Variants in DENND5B observed in about 807,000 individuals in gnomAD.
The protein encoded by DENND5B is DENN domain-containing protein 5B.
Under a neutral mutation model 140.6 loss-of-function variants are expected in DENND5B, and 34 were observed. That is an observed-to-expected ratio of 0.24 (90% CI 0.18 to 0.32). DENND5B has a LOEUF of 0.32. DENND5B is among the 10% of genes least tolerant of loss of function. The probability of loss-of-function intolerance (pLI) is 1.00; values close to 1 mark genes in which losing one functional copy is unlikely to be tolerated. For missense variants in DENND5B, 1,142 were observed against 1,560.2 expected (o/e 0.73, Z 4.52); for synonymous variants, 551 against 562.1 (o/e 0.98, Z 0.28).
chr12:31,497,489 G>T (rs1261991040), intron 1 of DENND5B, among the ~76,000 whole-genome samples: 1 of 152,010 alleles, frequency 6.6e-6, no homozygotes, highest in Non-Finnish European at 1.5e-5. Flanking sequence ...GCAGAGGAAT[G>T]TGAAACTGTC....
intron 5 of DENND5B, among the ~76,000 whole-genome samples, chr12:31,448,072 T>A (rs1281597904): frequency 6.6e-6 from 1 of 152,038 alleles, no homozygotes; most frequent in Non-Finnish European, 1.5e-5. Flanking sequence ...TATACAATTG[T>A]CAATCATCCA....
Position 31,447,625 on chromosome 12 carries a change from G to C in DENND5B, c.1774C>G (p.Arg592Gly). The change falls in exon 6 of 21, where the codon CGG becomes GGG. Residue 592 changes from arginine to glycine, a missense_variant. Around this residue, in one of 5 missense-constraint regions of DENND5B, gnomAD observed 708 missense variants for 905.5 expected, o/e 0.78. Coordinates refer to ENST00000389082, the MANE Select transcript of DENND5B (RefSeq NM_144973.4). Reference protein sequence around the residue: ...KDPLLRVFDTRIDKIRLYNVR... With the variant: ...KDPLLRVFDTGIDKIRLYNVR... Reference sequence around the variant, plus strand: ...TTATACAGCCTTATCTTATCAATCCGAGTGTCAAAGACCCGAAGCAAAGGA... The same window carrying C: ...TTATACAGCCTTATCTTATCAATCCCAGTGTCAAAGACCCGAAGCAAAGGA... 1 of 1,613,780 alleles carries C rather than the reference G, an allele frequency of 6.2e-7. No individual in the cohort carries two copies. Among genetic ancestry groups the C allele is most frequent in the Non-Finnish European group, 8.5e-7 (1 of 1,179,850 alleles).
intron 2 of DENND5B, among the ~76,000 whole-genome samples, chr12:31,492,699 T>G (rs1281935239): frequency 6.6e-6 from 1 of 152,232 alleles, no homozygotes. Context: ...CCTAAATGCC[T>G]TTCTATTAAT....
chr12:31,565,705 A>AG (rs1949603365), intron 1 of DENND5B, among the ~76,000 whole-genome samples: 1 of 152,204 alleles, frequency 6.6e-6, no homozygotes, highest in African/African-American at 2.4e-5. Context: ...CTATAGTTAA[A>AG]GGGGCCTGGA....
At chr12:31,449,601 G>A (rs1457948888) in intron 5 of DENND5B, among the ~76,000 whole-genome samples, 1 of 151,988 alleles carries the variant, frequency 6.6e-6, no homozygotes, top group African/African-American at 2.4e-5. Flanking sequence ...TTCTTTAGGG[G>A]TTATGTAAAA....
chr12:31,537,348 T>C (rs1948538702), intron 1 of DENND5B, among the ~76,000 whole-genome samples: 1 of 152,194 alleles, frequency 6.6e-6, no homozygotes, highest in Non-Finnish European at 1.5e-5. Flanking sequence ...AGAGTTTTTA[T>C]TAGTTTTCTT....
At chr12:31,580,080 A>C (rs999822972) in intron 1 of DENND5B, among the ~76,000 whole-genome samples, 4 of 152,130 alleles carry the variant, frequency 2.6e-5, no homozygotes, top group South Asian at 2.1e-4. Context: ...CTGTAAATGC[A>C]GTTTCCTAAG....
At chr12:31,507,144 A>C (rs754733156) in intron 1 of DENND5B, among the ~76,000 whole-genome samples, 1 of 152,050 alleles carries the variant, frequency 6.6e-6, no homozygotes, top group Admixed American at 6.6e-5. Context: ...CAAGGGTTTG[A>C]GAAGTTCAGG....
At chr12:31,479,003 C>CCACACACA (rs59317176) in intron 3 of DENND5B, among the ~76,000 whole-genome samples, 2 of 150,604 alleles carry the variant, frequency 1.3e-5, no homozygotes, top group African/African-American at 4.9e-5. Context: ...AAACAAAAAA[C>CCACACACA]CACACACACA....
chr12:31,400,220 T>C (rs1230375359), intron 15 of DENND5B, among the ~76,000 whole-genome samples: 1 of 152,204 alleles, frequency 6.6e-6, no homozygotes, highest in Non-Finnish European at 1.5e-5. Context: ...ACTGATATTC[T>C]TTTCTTTTTT....
At chr12:31,432,316 C>T (rs1487861461) in intron 8 of DENND5B, 3 of 154,918 alleles carry the variant, frequency 1.9e-5, no homozygotes, top group South Asian at 2.0e-4. Context: ...CAGGTGATGC[C>T]TCAGTTCTTA....
At chr12:31,525,906 T>C (rs900484523) in intron 1 of DENND5B, among the ~76,000 whole-genome samples, 2 of 152,098 alleles carry the variant, frequency 1.3e-5, no homozygotes, top group East Asian at 3.9e-4. Flanking sequence ...GGTGGGAGAA[T>C]TGCTTAAGCC....
At chr12:31,514,646 T>C (rs1451558161) in intron 1 of DENND5B, among the ~76,000 whole-genome samples, 1 of 151,558 alleles carries the variant, frequency 6.6e-6, no homozygotes, top group African/African-American at 2.4e-5. Flanking sequence ...TAAAAACCCA[T>C]CTCTACTAAA....
chr12:31,478,482 A>G lies in DENND5B; in HGVS notation c.904+1107T>C, dbSNP rs117438996. On this transcript the variant is annotated intron_variant, in intron 3 of 20. Transcript: ENST00000389082. ...CACTTTGGGAGGCCACGGCAGGAGG[A>G]TCATTTGAGCCTAGGATTTTGAGAG... Among the ~76,000 whole-genome samples, 511 of 152,260 alleles carry G rather than the reference A, an allele frequency of 3.4e-3. 1 individual carries two copies. Among genetic ancestry groups the G allele is most frequent in the Non-Finnish European group, 5.8e-3 (392 of 68,020 alleles).
intron 3 of DENND5B, among the ~76,000 whole-genome samples, chr12:31,471,236 T>C (rs565232869): frequency 1.1e-4 from 16 of 152,210 alleles, no homozygotes; most frequent in African/African-American, 3.6e-4. Context: ...TATTCTGTAG[T>C]TTCTTGGTTT....
chr12:31,503,336 G>A (rs1215086852), intron 1 of DENND5B, among the ~76,000 whole-genome samples: 1 of 152,202 alleles, frequency 6.6e-6, no homozygotes, highest in Non-Finnish European at 1.5e-5. Context: ...GAGGTGGGCA[G>A]ATCGCTTGAG....
intron 17 of DENND5B, among the ~76,000 whole-genome samples, chr12:31,394,277 A>G (rs1417387116): frequency 7.8e-6 from 1 of 128,562 alleles, no homozygotes; most frequent in Non-Finnish European, 1.6e-5. Context: ...CATTTTACAT[A>G]TAACATACTG....
chr12:31,425,587 G>A (rs974967951), intron 9 of DENND5B, among the ~76,000 whole-genome samples: 2 of 152,116 alleles, frequency 1.3e-5, no homozygotes, highest in Non-Finnish European at 2.9e-5. Flanking sequence ...AAAGAAAATG[G>A]AAATCAGTTT....
chr12:31,470,582 A>G (rs1945512745), intron 3 of DENND5B, among the ~76,000 whole-genome samples: 1 of 152,178 alleles, frequency 6.6e-6, no homozygotes, highest in Non-Finnish European at 1.5e-5. Flanking sequence ...AACCAGCCTC[A>G]GGTATTTTAC....
Sources: allele counts gnomAD v4.1 joint callset (sites outside exome capture counted in the v4.1 genomes callset), GRCh38; gene constraint gnomAD v4.1.1; regional missense constraint gnomAD v4.1.1; transcripts MANE v1.5; gene names NCBI Gene and HGNC (gene_info 2026-07-23, HGNC 2026-07-21).